ASTN2: variants seen among roughly 807,000 people sequenced by gnomAD.
ASTN2 encodes astrotactin 2.
ASTN2 carries 54 observed loss-of-function variants against 139.8 expected under a neutral mutation model. The ratio of observed to expected loss-of-function variants is 0.39; its 90% confidence interval spans 0.31 to 0.48. ASTN2 has a LOEUF of 0.48. Ranked by LOEUF, ASTN2 falls within the 20% of genes least tolerant of loss-of-function variation. The probability of loss-of-function intolerance (pLI) is 0.95; values close to 1 mark genes in which losing one functional copy is unlikely to be tolerated. For synonymous variants in ASTN2, 756 were observed against 719.5 expected, an observed-to-expected ratio of 1.05 and a Z score of -0.81; for missense variants, 1,565 against 1,725.1, an observed-to-expected ratio of 0.91 and a Z score of 1.64.
chr9:117,040,294 C>G (rs535756882), intron 5 of ASTN2, among the ~76,000 whole-genome samples: 30 of 152,240 alleles, frequency 2.0e-4, no homozygotes, highest in South Asian at 1.0e-3. Flanking sequence ...ATATTAAGCC[C>G]TCCATTCTCC....
chr9:117,258,660 T>G (rs1386542778), intron 2 of ASTN2, among the ~76,000 whole-genome samples: 1 of 152,166 alleles, frequency 6.6e-6, no homozygotes, highest in Non-Finnish European at 1.5e-5. Context: ...CAAAATTCTT[T>G]AGCCTTACCA....
intron 3 of ASTN2, among the ~76,000 whole-genome samples, chr9:117,166,512 C>T (rs767991149): frequency 3.3e-5 from 5 of 152,116 alleles, no homozygotes; most frequent in African/African-American, 4.8e-5. Context: ...ATAACAGCCT[C>T]TTCATCACTT....
chr9:117,093,391 G>A (rs752172413), intron 5 of ASTN2, among the ~76,000 whole-genome samples: 4 of 152,114 alleles, frequency 2.6e-5, no homozygotes, highest in Non-Finnish European at 5.9e-5. Context: ...TTACAACTTA[G>A]GGAATTGATG....
Position 116,699,403 on chromosome 9 carries a change from CTG to C in ASTN2, c.2806+26366_2806+26367del. 6.2e-7 allele frequency: 1 copy of C among 1,614,146 alleles called. No individual in the cohort carries two copies. Among genetic ancestry groups the C allele is most frequent in the African/African-American group, 1.3e-5 (1 of 75,034 alleles). On this transcript the variant is annotated intron_variant, in intron 16 of 22. Transcript: ENST00000313400. The surrounding 1 kb of genome is among the most constrained non-coding windows in gnomAD (Gnocchi z 4.2). ...CTGGAGGGTGGCTTTTCCATTGGCT[CTG>C]TAGGCCCTGATGGGCAGCTGGGTCG...
chr9:116,996,389 T>C (rs1337845309), intron 7 of ASTN2, among the ~76,000 whole-genome samples: 2 of 152,178 alleles, frequency 1.3e-5, no homozygotes, highest in Non-Finnish European at 2.9e-5. Flanking sequence ...ATAATATATG[T>C]GAAGGCTTTG....
intron 14 of ASTN2, among the ~76,000 whole-genome samples, chr9:116,732,591 G>A (rs1828816495): frequency 6.6e-6 from 1 of 152,202 alleles, no homozygotes; most frequent in Non-Finnish European, 1.5e-5. Flanking sequence ...GTATCACAAA[G>A]GCAGAGTCGA....
chr9:116,790,179 G>A (rs954290470), intron 13 of ASTN2, among the ~76,000 whole-genome samples: 2 of 152,126 alleles, frequency 1.3e-5, no homozygotes, highest in Admixed American at 1.3e-4. Context: ...GCCTGCCTCG[G>A]CCTCCCAAAG....
intron 19 of ASTN2, among the ~76,000 whole-genome samples, chr9:116,616,793 A>G (rs923016004): frequency 2.0e-5 from 3 of 149,004 alleles, no homozygotes; most frequent in African/African-American, 7.7e-5. Flanking sequence ...ACACACACAC[A>G]CACACACACA....
At chr9:116,468,084 C>T (rs959023423) in intron 20 of ASTN2, among the ~76,000 whole-genome samples, 1 of 152,170 alleles carries the variant, frequency 6.6e-6, no homozygotes, top group Non-Finnish European at 1.5e-5. Context: ...GGACATGAAG[C>T]CGTGAATGAC....
At chr9:116,620,595 C>G (rs771604257) in intron 17 of ASTN2, 152 bp from the exon 18 acceptor site, 2 of 974,356 alleles carry the variant, frequency 2.1e-6, no homozygotes, top group African/African-American at 3.2e-5. Context: ...TCCTTGCACT[C>G]TACTATCAGG....
chr9:116,533,983 T>C (rs181638945), intron 19 of ASTN2, among the ~76,000 whole-genome samples: 1 of 152,174 alleles, frequency 6.6e-6, no homozygotes, highest in Non-Finnish European at 1.5e-5. Flanking sequence ...TGTGAATCCA[T>C]CTGGTCCTGG....
intron 19 of ASTN2, among the ~76,000 whole-genome samples, chr9:116,531,837 T>C (rs534342320): frequency 2.0e-5 from 3 of 152,234 alleles, no homozygotes; most frequent in Non-Finnish European, 4.4e-5. Flanking sequence ...CGTGTGCATG[T>C]GTCTTTATAG....
chr9:116,960,994 A>C (rs12336323), intron 10 of ASTN2, among the ~76,000 whole-genome samples: 12,045 of 141,806 alleles, frequency 0.085, 661 homozygotes, highest in Non-Finnish European at 0.1. Context: ...CTAGGAGGAG[A>C]CTGCAGGGCT....
chr9:117,410,583 G>A (rs1466682143), intron 1 of ASTN2, among the ~76,000 whole-genome samples: 2 of 152,160 alleles, frequency 1.3e-5, no homozygotes, highest in South Asian at 2.1e-4. Flanking sequence ...CTTATTCAAG[G>A]TCACAGTGAG....
At chr9:116,789,823 A>T (rs1830482307) in intron 13 of ASTN2, among the ~76,000 whole-genome samples, 2 of 152,064 alleles carry the variant, frequency 1.3e-5, no homozygotes, top group Non-Finnish European at 2.9e-5. Context: ...ATTTTGGAGT[A>T]AGTGGTATCT....
At chr9:116,895,631 T>G (rs1390938900) in intron 10 of ASTN2, among the ~76,000 whole-genome samples, 1 of 152,100 alleles carries the variant, frequency 6.6e-6, no homozygotes, top group Non-Finnish European at 1.5e-5. Context: ...AGAATCAAAT[T>G]CTCCTATATT....
intron 20 of ASTN2, among the ~76,000 whole-genome samples, chr9:116,481,544 T>C (rs1205755733): frequency 6.6e-6 from 1 of 152,240 alleles, no homozygotes; most frequent in Non-Finnish European, 1.5e-5. Context: ...ACAAAGTCTA[T>C]TGCCTTTCCT....
intron 22 of ASTN2, among the ~76,000 whole-genome samples, chr9:116,432,977 G>T (rs1847545690): frequency 6.6e-6 from 1 of 151,824 alleles, no homozygotes; most frequent in Non-Finnish European, 1.5e-5. Context: ...AGGAAGGAAG[G>T]GAAGGAAATA....
rs201644531 is a variant in ASTN2 at position 117,141,406 on chromosome 9, G to T, written c.1088C>A (p.Thr363Lys). 2 of 1,367,546 alleles carry T rather than the reference G, an allele frequency of 1.5e-6. No homozygotes were observed. Among genetic ancestry groups the T allele is most frequent in the Middle Eastern group, 4.2e-4 (2 of 4,768 alleles). 84.7% of individuals were successfully genotyped at this position (1,367,546 alleles called of 1,614,324 possible). ...TTGCAGCTGACCGATCTCGATGGGC[G>T]TGTTAGCGCGGAAACTCTCCTTGAA... ...QKFKESFRAN[T>K]PIEIGQLQPP... The change falls in exon 4 of 23, where the codon ACG (threonine) becomes AAG (lysine). Residue 363 changes from threonine (T) to lysine (K), a missense_variant. By Grantham distance (78) the Thr-to-Lys change is moderately conservative. Coordinates refer to ENST00000313400, the MANE Select transcript of ASTN2 (RefSeq NM_001365068.1).
Sources: allele counts gnomAD v4.1 joint callset (sites outside exome capture counted in the v4.1 genomes callset), GRCh38; gene constraint gnomAD v4.1.1; non-coding constraint Gnocchi (gnomAD v3.1); transcripts MANE v1.5; gene names NCBI Gene and HGNC (gene_info 2026-07-23, HGNC 2026-07-21).